The following PAX8 variants were observed in gnomAD, a reference collection of about 807,000 sequenced individuals.
The protein encoded by PAX8 is paired box protein Pax-8.
Under a neutral mutation model 52.4 loss-of-function variants are expected in PAX8, and 15 were observed. The observed-to-expected ratio is 0.29, with a 90% CI of 0.19 to 0.44. The LOEUF (loss-of-function observed/expected upper bound fraction) is 0.44. Ranked by LOEUF, PAX8 falls within the 20% of genes least tolerant of loss-of-function variation. The pLI, the probability that PAX8 is intolerant of heterozygous loss-of-function variation, is 1.00. For synonymous variants in PAX8, 284 were observed against 249.7 expected (o/e 1.14, Z -1.29); for missense variants, 554 against 602.5 (o/e 0.92, Z 0.84).
At chr2:113,234,686 A>T in intron 9 of PAX8, among the ~76,000 whole-genome samples, 1 of 151,596 alleles carries the variant, frequency 6.6e-6, no homozygotes, top group South Asian at 2.1e-4. Context: ...ACACCCCCTA[A>T]TTTTTTGAAT....
Position 113,244,621 on chromosome 2 carries a change from G to A in PAX8, c.195C>T (p.Tyr65=), listed in dbSNP as rs765862510. Residue 65 remains tyrosine (Y), a synonymous_variant, in exon 4 of 12, where the codon TAC becomes TAT. Transcript: ENST00000429538. ...HGCVSKILGR[Y]YETGSIRPGV... is the part of the protein sequence containing the mutation. ...CAGGCCGGATGCTGCCAGTCTCGTA[G>A]TACCTACTCCAATAGAGAATCCCAA... is the stretch of plus-strand genomic sequence containing the variant. 5 of 1,614,026 alleles carry A rather than the reference G, an allele frequency of 3.1e-6. No individual in the cohort carries two copies. The highest frequency in any genetic ancestry group is 1.1e-5 in the South Asian group (1 of 91,078).
chr2:113,245,055 T>TTTCG (rs34490643), intron 3 of PAX8, among the ~76,000 whole-genome samples: 1 of 150,932 alleles, frequency 6.6e-6, no homozygotes, highest in Non-Finnish European at 1.5e-5. Flanking sequence ...GTTTTTTTTT[T>TTTCG]TTGTTTTTTG....
In PAX8 at chr2:113,278,476, A is replaced by T; in HGVS notation, c.-75-7T>A. On this transcript the variant is annotated splice_polypyrimidine_tract_variant and splice_region_variant and intron_variant, in intron 1 of 11. Coordinates refer to ENST00000429538, the MANE Select transcript of PAX8 (RefSeq NM_003466.4). ...GGCCGCGCCTGCCGCTGCCCTGCACAAACCCAGGAGAAGGGCATGAGATGC... is the reference window on the plus strand; with the variant it reads ...GGCCGCGCCTGCCGCTGCCCTGCACTAACCCAGGAGAAGGGCATGAGATGC... 3 of 1,595,548 alleles carry T rather than the reference A, an allele frequency of 1.9e-6. No homozygotes were observed. Among genetic ancestry groups the T allele is most frequent in the Non-Finnish European group, 2.6e-6 (3 of 1,171,094 alleles).
chr2:113,219,877 G>A lies in PAX8; in HGVS notation c.1276+215C>T, dbSNP rs2289897. The stretch of plus-strand genomic sequence containing the variant: ...TGGGCTTGAGAAGCAGGAGGGAAAC[G>A]AATGCCTGGAAGCCTCTGGACTTCT... On this transcript the variant is annotated intron_variant, in intron 11 of 11. Transcript: ENST00000429538. Among the ~76,000 whole-genome samples, 34,280 of 152,102 alleles carry A rather than the reference G, an allele frequency of 0.23. 4,362 individuals are homozygous for A. Among genetic ancestry groups the A allele is most frequent in the South Asian group, 0.33 (1,598 of 4,826 alleles).
chr2:113,238,492 T>C (rs1690551536), intron 7 of PAX8: 1 of 152,668 alleles, frequency 6.6e-6, no homozygotes, highest in African/African-American at 2.4e-5. Context: ...CTATAGCTAT[T>C]TCAAAATCCA....
At position 113,227,250 on chromosome 2, in the gene PAX8, T is replaced by C. The variant is rs1164249989; in HGVS notation, c.1094A>G (p.Glu365Gly). ...FTGQALLSGR[E>G]MVGPTLPGYP... The stretch of plus-strand genomic sequence containing the variant: ...TCCGGGCAGCGTGGGCCCCACCATC[T>C]CTCGCCCTGGAAAAATACAGCAAAG... Residue 365 changes from glutamate to glycine, a missense_variant, in exon 10 of 12, where the codon GAG becomes GGG. Glu to Gly is a moderately conservative substitution (Grantham distance 98, BLOSUM62 -2). This residue lies in a region of PAX8 where 445 missense variants were observed against 409.9 expected (regional missense o/e 1.09). Transcript: ENST00000429538. 2 of 1,608,642 alleles carry C rather than the reference T, an allele frequency of 1.2e-6. No individual in the cohort carries two copies. Among genetic ancestry groups the C allele is most frequent in the Non-Finnish European group, 1.7e-6 (2 of 1,177,966 alleles).
At chr2:113,255,256 GAGGA>G (rs1558737388) in intron 2 of PAX8, 1 of 22,208 alleles carries the variant, frequency 4.5e-5, no homozygotes, top group Non-Finnish European at 8.2e-5. Context: ...AGGAGGGAGG[GAGGA>G]GGGAGGGGAG....
chr2:113,258,929 A>T (rs181586711), intron 2 of PAX8, among the ~76,000 whole-genome samples: 2 of 152,262 alleles, frequency 1.3e-5, no homozygotes, highest in African/African-American at 4.8e-5. Flanking sequence ...TAGACCTCTA[A>T]GCTCCTTAAG....
chr2:113,241,587 C>T lies in PAX8; in HGVS notation c.741G>A (p.Glu247=). ...ECPFERQHYP[E]AYASPSHTKG... Reference sequence around the variant, plus strand: ...TGGTGTGGCTGGGGGAGGCATAGGCCTCTGGGTAGTGCTGCCGCTCAAATG... The same window carrying T: ...TGGTGTGGCTGGGGGAGGCATAGGCTTCTGGGTAGTGCTGCCGCTCAAATG... Residue 247 remains glutamate (E), a synonymous_variant, in exon 7 of 12, where the codon GAG becomes GAA. Transcript: ENST00000429538. 2 of 1,611,846 alleles carry T rather than the reference C, an allele frequency of 1.2e-6. No individual in the cohort carries two copies. Among genetic ancestry groups the T allele is most frequent in the Non-Finnish European group, 1.7e-6 (2 of 1,179,588 alleles).
intron 10 of PAX8, among the ~76,000 whole-genome samples, chr2:113,222,749 G>C (rs1048734077): frequency 7.9e-5 from 12 of 152,040 alleles, no homozygotes; most frequent in Non-Finnish European, 1.6e-4. Flanking sequence ...TCTGCCCCAT[G>C]GTCTCTGCCT....
chr2:113,236,945 C>A, intron 7 of PAX8: 1 of 584,284 alleles, frequency 1.7e-6, no homozygotes, highest in Non-Finnish European at 3.0e-6. Flanking sequence ...CATGGGTGCC[C>A]AGACGTGGGA....
At chr2:113,269,921 A>G (rs1186025476) in intron 2 of PAX8, 1 of 152,196 alleles carries the variant, frequency 6.6e-6, no homozygotes, top group Admixed American at 6.5e-5. Context: ...TTCAACACAC[A>G]GTCCACAGAC....
chr2:113,256,993 T>C (rs1211865086), intron 2 of PAX8, among the ~76,000 whole-genome samples: 1 of 152,166 alleles, frequency 6.6e-6, no homozygotes, highest in Non-Finnish European at 1.5e-5. Context: ...ACAGGCACTG[T>C]TCCAGGTTCT....
chr2:113,254,171 T>C (rs868364098), intron 2 of PAX8, among the ~76,000 whole-genome samples: 22 of 152,352 alleles, frequency 1.4e-4, no homozygotes, highest in Middle Eastern at 6.8e-3. Flanking sequence ...AGCATTCAAA[T>C]ATTCCTGCAT....
chr2:113,243,264 T>C (rs919459528), intron 4 of PAX8, among the ~76,000 whole-genome samples: 1 of 152,326 alleles, frequency 6.6e-6, no homozygotes, highest in South Asian at 2.1e-4. Flanking sequence ...GGGTTTCCCA[T>C]TGCTTTATGA....
chr2:113,261,954 C>T (rs143948678), intron 2 of PAX8, among the ~76,000 whole-genome samples: 149 of 152,126 alleles, frequency 9.8e-4, no homozygotes, highest in African/African-American at 3.6e-3. Flanking sequence ...TTCAGCTTCC[C>T]AAGCAGCTGG....
rs185106077 is a variant in PAX8, at chr2:113,231,466, G to A, written c.1087+3928C>T. 3.0e-4 allele frequency among the ~76,000 whole-genome samples: 45 copies of A among 152,362 alleles called. No homozygotes were observed. The Middle Eastern group carries it at 0.01, about 35-fold the overall frequency. ...CTGACTGGGGATGAGCTGAGACTCA[G>A]AAGGATAGTCACCTTGGAAATCACA... On this transcript the variant is annotated intron_variant, in intron 9 of 11. Coordinates refer to ENST00000429538, the MANE Select transcript of PAX8 (RefSeq NM_003466.4).
chr2:113,237,554 A>G (rs1690465739), intron 7 of PAX8: 1 of 151,984 alleles, frequency 6.6e-6, no homozygotes, highest in African/African-American at 2.4e-5. Flanking sequence ...TGTTGGAAAC[A>G]CTCTTTGTCA....
At chr2:113,245,036 GT>G (rs1191083573) in intron 3 of PAX8, among the ~76,000 whole-genome samples, 6 of 137,610 alleles carry the variant, frequency 4.4e-5, no homozygotes, top group South Asian at 2.4e-4. Flanking sequence ...CACGACTGAG[GT>G]TTTTTTTGTT....
Sources: gnomAD v4.1 joint callset for allele counts (sites outside exome capture counted in the v4.1 genomes callset) on GRCh38, gnomAD v4.1.1 for gene constraint, gnomAD v4.1.1 regional missense constraint, MANE v1.5 for transcripts, NCBI Gene and HGNC (gene_info 2026-07-23, HGNC 2026-07-21) for gene names.